The following WASHC3 variants were observed in gnomAD, a reference collection of about 807,000 sequenced individuals.
WASHC3 encodes the protein WASH complex subunit CCDC53.
Under a neutral mutation model 26.1 loss-of-function variants are expected in WASHC3, and 24 were observed. The ratio of observed to expected loss-of-function variants is 0.92; its 90% confidence interval spans 0.66 to 1.29. The LOEUF (loss-of-function observed/expected upper bound fraction) is 1.29. WASHC3 is among the 50% of genes most tolerant of loss of function. WASHC3 has a pLI of 0.00. For synonymous variants in WASHC3, 77 were observed against 75.7 expected (o/e 1.02, Z -0.09); for missense variants, 214 against 229.6 (o/e 0.93, Z 0.44).
intron 5 of WASHC3, among the ~76,000 whole-genome samples, chr12:102,034,594 A>G (rs114749402): frequency 0.038 from 5,744 of 152,292 alleles, 148 homozygotes; most frequent in African/African-American, 0.069. Flanking sequence ...TTATGTTGAC[A>G]TAATACCCAC....
chr12:102,020,043 T>C (rs1276780410), intron 6 of WASHC3, among the ~76,000 whole-genome samples: 1 of 152,176 alleles, frequency 6.6e-6, no homozygotes, highest in Non-Finnish European at 1.5e-5. Context: ...ATCACAGGAA[T>C]CTATTCCCTT....
At chr12:102,013,742 A>C (rs975345150) in intron 6 of WASHC3, among the ~76,000 whole-genome samples, 8 of 152,246 alleles carry the variant, frequency 5.3e-5, no homozygotes, top group African/African-American at 1.9e-4. Flanking sequence ...GTTTTCACTT[A>C]CATGTTTTAT....
chr12:102,027,420 T>G (rs1456864737), intron 5 of WASHC3, among the ~76,000 whole-genome samples: 1 of 152,204 alleles, frequency 6.6e-6, no homozygotes, highest in African/African-American at 2.4e-5. Flanking sequence ...GGCATGCATA[T>G]GTACAAACGT....
intron 5 of WASHC3, among the ~76,000 whole-genome samples, chr12:102,038,671 T>C (rs189905633): frequency 2.6e-4 from 40 of 152,288 alleles, no homozygotes; most frequent in South Asian, 6.2e-4. Flanking sequence ...AAAAACTTCA[T>C]CTATTTTCAT....
intron 2 of WASHC3, among the ~76,000 whole-genome samples, chr12:102,055,857 C>T (rs1253500367): frequency 6.6e-6 from 1 of 152,132 alleles, no homozygotes; most frequent in Non-Finnish European, 1.5e-5. Context: ...AAATTCAATT[C>T]CATTATTTAA....
chr12:102,046,340 G>C (rs1017767401), intron 2 of WASHC3, among the ~76,000 whole-genome samples: 7 of 151,684 alleles, frequency 4.6e-5, no homozygotes, highest in Non-Finnish European at 1.5e-5. Context: ...TCTGTCGCCA[G>C]GCTGGAGCGC....
chr12:102,038,046 C>T (rs1877751627), intron 5 of WASHC3, among the ~76,000 whole-genome samples: 3 of 152,154 alleles, frequency 2.0e-5, no homozygotes, highest in South Asian at 4.1e-4. Context: ...CCGCCCGCCT[C>T]GGCCTCCCAA....
chr12:102,013,579 AG>A (rs1202878464), intron 6 of WASHC3, among the ~76,000 whole-genome samples: 2 of 152,204 alleles, frequency 1.3e-5, no homozygotes, highest in Non-Finnish European at 1.5e-5. Flanking sequence ...AGAAATGAAA[AG>A]AAAAGGAAAT....
At chr12:102,046,201 A>T in intron 2 of WASHC3, 82 bp from the exon 3 acceptor site, 1 of 756,830 alleles carries the variant, frequency 1.3e-6, no homozygotes, top group Non-Finnish European at 2.2e-6. Flanking sequence ...TGAAAATATT[A>T]AAAACCATTA....
intron 2 of WASHC3, among the ~76,000 whole-genome samples, chr12:102,052,297 G>A (rs1878421928): frequency 6.6e-6 from 1 of 152,198 alleles, no homozygotes; most frequent in Non-Finnish European, 1.5e-5. Flanking sequence ...GTGAGCACAG[G>A]ACTTTGCCTT....
intron 6 of WASHC3, among the ~76,000 whole-genome samples, chr12:102,023,059 C>T (rs1346094493): frequency 6.6e-6 from 1 of 151,592 alleles, no homozygotes; most frequent in Non-Finnish European, 1.5e-5. Context: ...TTTTTAAAAA[C>T]AAACAATCAC....
rs1231450939 is a variant in WASHC3, at chr12:102,061,852, G to C, written c.51+60C>G. 26 of 1,458,248 alleles carry C rather than the reference G, an allele frequency of 1.8e-5. No homozygotes were observed. The Middle Eastern group carries it at 6.9e-4, about 39-fold the overall frequency. The allele number at this position is 1,458,248 out of a possible 1,614,324, so 90.3% of individuals were successfully genotyped here. The stretch of plus-strand genomic sequence containing the variant: ...CGGAAGGTGGGTGTCTCCCCGGAAA[G>C]CTGCGTCTTCCCCATCCTCCTCCCG... On this transcript the variant is annotated intron_variant, in intron 1 of 6. Transcript: ENST00000240079.
intron 5 of WASHC3, among the ~76,000 whole-genome samples, chr12:102,034,160 C>T (rs1877553726): frequency 6.6e-6 from 1 of 152,050 alleles, no homozygotes; most frequent in South Asian, 2.1e-4. Context: ...TTATCTATAT[C>T]CCCCTGAACC....
chr12:102,026,727 A>G (rs976634146), intron 5 of WASHC3, among the ~76,000 whole-genome samples: 3 of 152,242 alleles, frequency 2.0e-5, no homozygotes, highest in African/African-American at 7.2e-5. Flanking sequence ...GACTTGATGT[A>G]TAACTAAACA....
At chr12:102,020,698 A>G (rs941902804) in intron 6 of WASHC3, among the ~76,000 whole-genome samples, 3 of 152,220 alleles carry the variant, frequency 2.0e-5, no homozygotes, top group African/African-American at 7.2e-5. Flanking sequence ...TATTCAAATC[A>G]CTGATGGAAA....
intron 5 of WASHC3, among the ~76,000 whole-genome samples, chr12:102,035,498 A>C (rs969614544): frequency 2.0e-5 from 3 of 152,208 alleles, no homozygotes; most frequent in Non-Finnish European, 4.4e-5. Context: ...TAATCCAAAA[A>C]ATAATGATTG....
chr12:102,046,188 A>G (rs1878155117), intron 2 of WASHC3, 69 bp from the exon 3 acceptor site: 1 of 823,018 alleles, frequency 1.2e-6, no homozygotes, highest in African/African-American at 1.7e-5. Context: ...CTAAGGGCAG[A>G]TATGAAAATA....
intron 6 of WASHC3, among the ~76,000 whole-genome samples, chr12:102,023,290 T>C (rs1877031054): frequency 3.9e-5 from 6 of 152,204 alleles, no homozygotes; most frequent in Admixed American, 2.6e-4. Context: ...TCAGTATTTA[T>C]TTCTATATTA....
At chr12:102,038,496 C>T (rs1407037803) in intron 5 of WASHC3, among the ~76,000 whole-genome samples, 3 of 152,140 alleles carry the variant, frequency 2.0e-5, no homozygotes, top group Admixed American at 2.0e-4. Context: ...TTAGAAGCAT[C>T]TCCCTTTTGT....
Sources: gnomAD v4.1 joint callset for allele counts (sites outside exome capture counted in the v4.1 genomes callset) on GRCh38, gnomAD v4.1.1 for gene constraint, MANE v1.5 for transcripts, NCBI Gene and HGNC (gene_info 2026-07-23, HGNC 2026-07-21) for gene names.